CACNA1C: variants seen among roughly 807,000 people sequenced by gnomAD.
The protein encoded by CACNA1C is voltage-dependent L-type calcium channel subunit alpha-1C.
Under a neutral mutation model 229.0 loss-of-function variants are expected in CACNA1C, and 30 were observed. The observed-to-expected ratio is 0.13, with a 90% confidence interval of 0.10 to 0.18. The LOEUF (loss-of-function observed/expected upper bound fraction) is 0.18, where lower values mean the gene tolerates loss of function less well. Ranked by LOEUF, CACNA1C falls within the 10% of genes least tolerant of loss-of-function variation. CACNA1C has a pLI of 1.00. For synonymous variants in CACNA1C, 1,114 were observed against 1,132.5 expected (o/e 0.98, Z 0.33); for missense variants, 1,658 against 2,845.0 (o/e 0.58, Z 9.49).
chr12:2,634,524 GT>G (rs1046731673), intron 30 of CACNA1C, 144 bp downstream of exon 30: 15 of 389,006 alleles, frequency 3.9e-5, no homozygotes, highest in East Asian at 2.0e-4. Context: ...TGGTTTGAAG[GT>G]TTTTTTTTCC....
chr12:2,114,043 A>C (rs144788950), intron 1 of CACNA1C, among the ~76,000 whole-genome samples: 1 of 152,324 alleles, frequency 6.6e-6, no homozygotes, highest in African/African-American at 2.4e-5. Flanking sequence ...CTGTCTAATG[A>C]ATCACCCCAA....
chr12:2,043,697 G>A (rs574715755), intron 1 of CACNA1C, among the ~76,000 whole-genome samples: 8 of 132,542 alleles, frequency 6.0e-5, no homozygotes, highest in South Asian at 2.5e-4. Flanking sequence ...CGCCCAGGCC[G>A]GACTGCGGAC....
At chr12:2,446,481 C>T (rs1344121101) in intron 3 of CACNA1C, among the ~76,000 whole-genome samples, 3 of 90,954 alleles carry the variant, frequency 3.3e-5, no homozygotes, top group Non-Finnish European at 6.6e-5. Flanking sequence ...GGTGGACTGA[C>T]GGATGGGTGC....
At position 2,566,752 on chromosome 12, in the gene CACNA1C, C is replaced by T. The variant is rs1347154622; in HGVS notation, c.1669+170C>T. 6.6e-6 allele frequency among the ~76,000 whole-genome samples: 1 copy of T among 152,164 alleles called. No homozygotes were observed. The highest frequency in any genetic ancestry group is 1.5e-5 in the Non-Finnish European group (1 of 68,028). ...AGGGCCTGGCAGTTCCAAAGCCCCA[C>T]AATAAAATGCGCTACCTTGTTAAAA... On this transcript the variant is annotated intron_variant, in intron 12 of 46. Coordinates refer to ENST00000399655, the MANE Select transcript of CACNA1C (RefSeq NM_000719.7). The surrounding 1 kb of genome is among the most constrained non-coding windows in gnomAD (Gnocchi z 4.0).
chr12:2,519,061 A>G (rs769110545), intron 9 of CACNA1C, among the ~76,000 whole-genome samples: 7 of 152,222 alleles, frequency 4.6e-5, no homozygotes, highest in Non-Finnish European at 8.8e-5. Context: ...AGTGCTCCTT[A>G]CAGAAGGCTT....
chr12:2,686,327 G>A lies in CACNA1C; in HGVS notation c.5784+58G>A, dbSNP rs577324413. 2.3e-6 allele frequency: 3 copies of A among 1,319,058 alleles called. No homozygotes were observed. In the African/African-American group the frequency reaches 4.3e-5, roughly 19 times the overall value. 81.7% of individuals were successfully genotyped at this position (1,319,058 alleles called of 1,614,324 possible). ...CTGCCAGCAGGCCAGACAGTCCCCA[G>A]GGTGACGGACAAATCCTGAAGACTT... On this transcript the variant is annotated intron_variant, in intron 45 of 46. Coordinates refer to ENST00000399655, the MANE Select transcript of CACNA1C (RefSeq NM_000719.7).
At chr12:2,347,537 G>C (rs577457862) in intron 3 of CACNA1C, among the ~76,000 whole-genome samples, 38 of 152,348 alleles carry the variant, frequency 2.5e-4, no homozygotes, top group African/African-American at 8.9e-4. Flanking sequence ...CTCTAGGCCT[G>C]ATGCTCATAG....
At chr12:2,380,043 A>AAAAAAAAAAAAAAAAAAAAG (rs2098195082) in intron 3 of CACNA1C, among the ~76,000 whole-genome samples, 1 of 148,720 alleles carries the variant, frequency 6.7e-6, no homozygotes, top group East Asian at 2.0e-4. Context: ...AAAAAAAAAA[A>AAAAAAAAAAAAAAAAAAAAG]AGACATAATA....
chr12:2,650,586 C>T (rs560807954), intron 31 of CACNA1C, among the ~76,000 whole-genome samples: 52 of 152,234 alleles, frequency 3.4e-4, no homozygotes, highest in African/African-American at 1.0e-3. Flanking sequence ...CTCACCAGGC[C>T]GATGTGGGCA....
At chr12:2,658,072 A>G (rs1256504604) in intron 34 of CACNA1C, among the ~76,000 whole-genome samples, 1 of 152,130 alleles carries the variant, frequency 6.6e-6, no homozygotes, top group East Asian at 1.9e-4. Flanking sequence ...AAATAGAAAA[A>G]AGGGTAAAGA....
At chr12:2,424,994 TG>T (rs2099015304) in intron 3 of CACNA1C, among the ~76,000 whole-genome samples, 1 of 152,134 alleles carries the variant, frequency 6.6e-6, no homozygotes, top group South Asian at 2.1e-4. Flanking sequence ...GTCTGCACTG[TG>T]GGAGGGAAGG....
chr12:2,580,460 G>T (rs1482028745), intron 13 of CACNA1C, among the ~76,000 whole-genome samples: 1 of 152,196 alleles, frequency 6.6e-6, no homozygotes, highest in Non-Finnish European at 1.5e-5. Flanking sequence ...GATGAGCTGG[G>T]AATCTCTCAA....
At chr12:2,144,231 G>A (rs1261254023) in intron 3 of CACNA1C, among the ~76,000 whole-genome samples, 2 of 151,392 alleles carry the variant, frequency 1.3e-5, no homozygotes, top group Non-Finnish European at 3.0e-5. Flanking sequence ...AATTGGAGTG[G>A]TAGAAAAGGA....
chr12:2,011,793 G>A (rs1403072063), intron 1 of CACNA1C, among the ~76,000 whole-genome samples: 1 of 152,330 alleles, frequency 6.6e-6, no homozygotes, highest in Non-Finnish European at 1.5e-5. Flanking sequence ...CATGCTCGAA[G>A]GAAAGCTGTT....
chr12:2,209,005 C>T (rs769901803), intron 3 of CACNA1C, among the ~76,000 whole-genome samples: 1 of 152,180 alleles, frequency 6.6e-6, no homozygotes, highest in African/African-American at 2.4e-5. Flanking sequence ...AGGGTTTGTG[C>T]ATGGCAAAGC....
chr12:2,263,391 A>C (rs2081124584), intron 3 of CACNA1C, among the ~76,000 whole-genome samples: 1 of 152,176 alleles, frequency 6.6e-6, no homozygotes, highest in African/African-American at 2.4e-5. Flanking sequence ...GAGGTCAGTG[A>C]GGAACAGAGG....
At chr12:2,229,133 AC>A (rs1401245407) in intron 3 of CACNA1C, among the ~76,000 whole-genome samples, 1 of 152,182 alleles carries the variant, frequency 6.6e-6, no homozygotes, top group Middle Eastern at 3.2e-3. Flanking sequence ...TCTGAAGAGC[AC>A]GTTGAGCTTT....
rs2064604327 is a variant in CACNA1C at position 2,590,220 on chromosome 12, AG to A, written c.2531-2987del. On this transcript the variant is annotated intron_variant, in intron 18 of 46. Transcript: ENST00000399655. ...AGAAGTGAGGATGAGCATCAGATGG[AG>A]GGGGGCAAGGGTTGCCAAGGACCAA... Among the ~76,000 whole-genome samples the A allele has an allele frequency of 2.6e-5, 4 of 152,074 alleles. No individual in the cohort carries two copies. The South Asian group carries it at 8.3e-4, about 32-fold the overall frequency.
At chr12:2,518,525 G>A (rs1049578874) in intron 9 of CACNA1C, among the ~76,000 whole-genome samples, 25 of 151,624 alleles carry the variant, frequency 1.6e-4, no homozygotes, top group African/African-American at 4.4e-4. Flanking sequence ...GGAGAATGGC[G>A]TGAACCCAGG....
Sources: allele counts gnomAD v4.1 joint callset (sites outside exome capture counted in the v4.1 genomes callset), GRCh38; gene constraint gnomAD v4.1.1; non-coding constraint Gnocchi (gnomAD v3.1); transcripts MANE v1.5; gene names NCBI Gene and HGNC (gene_info 2026-07-23, HGNC 2026-07-21).